NOVA1: variants seen among roughly 807,000 people sequenced by gnomAD.
The protein encoded by NOVA1 is NOVA alternative splicing regulator 1.
In NOVA1, 7 loss-of-function variants were observed where a neutral mutation model predicts 38.0. The observed-to-expected ratio is 0.18, with a 90% confidence interval of 0.10 to 0.35. The LOEUF (loss-of-function observed/expected upper bound fraction) is 0.35. NOVA1 is among the 10% of genes least tolerant of loss of function. The pLI, the probability that NOVA1 is intolerant of heterozygous loss-of-function variation, is 1.00. For missense variants in NOVA1, 460 were observed against 616.0 expected, an observed-to-expected ratio of 0.75 and a Z score of 2.68; for synonymous variants, 270 against 232.5, an observed-to-expected ratio of 1.16 and a Z score of -1.47.
intron 2 of NOVA1, among the ~76,000 whole-genome samples, chr14:26,583,194 A>C (rs1476824328): frequency 6.6e-6 from 1 of 151,782 alleles, no homozygotes; most frequent in South Asian, 2.1e-4. Context: ...AGGCAGAAAC[A>C]GTAAAATATG....
chr14:26,455,764 T>G (rs1162441099), intron 4 of NOVA1, among the ~76,000 whole-genome samples: 4 of 151,942 alleles, frequency 2.6e-5, no homozygotes, highest in African/African-American at 9.7e-5. Context: ...TTCAAACTAT[T>G]CCTGTTGAGA....
chr14:26,586,033 A>G (rs1893493237), intron 2 of NOVA1, among the ~76,000 whole-genome samples: 1 of 151,364 alleles, frequency 6.6e-6, no homozygotes, highest in African/African-American at 2.4e-5. Flanking sequence ...TTAAATTTCC[A>G]GTGCCACCTA....
Position 26,448,317 on chromosome 14 carries a change from G to C in NOVA1, c.1166C>G (p.Ala389Gly). Residue 389 changes from alanine (A) to glycine (G), a missense_variant, in exon 5 of 5, where the codon GCT (alanine) becomes GGT (glycine). Physicochemically the swap from Ala to Gly is moderately conservative, Grantham distance 60. Coordinates refer to ENST00000539517, the MANE Select transcript of NOVA1 (RefSeq NM_002515.3). This position sits in a 1 kb window ranked among gnomAD's most constrained non-coding sequence, Gnocchi z 5.3. ...TCCATTGGTTGCAGCAGTAGCAGCA[G>C]CCAGGCTACCTAATGCAAATGTCCC... is the stretch of plus-strand genomic sequence containing the variant. ...TAGTFALGSL[A>G]AATAATNGYF... 6.2e-7 allele frequency: 1 copy of C among 1,613,958 alleles called. No individual in the cohort carries two copies. Among genetic ancestry groups the C allele is most frequent in the Non-Finnish European group, 8.5e-7 (1 of 1,179,972 alleles).
intron 2 of NOVA1, among the ~76,000 whole-genome samples, chr14:26,543,432 AAATCTGTCTCAT>A: frequency 6.6e-6 from 1 of 151,986 alleles, no homozygotes; most frequent in Non-Finnish European, 1.5e-5. Context: ...GGCTGTCTCA[AAATCTGTCTCAT>A]AATCTGGTCA....
At chr14:26,569,464 A>C (rs12890263) in intron 2 of NOVA1, among the ~76,000 whole-genome samples, 30 of 152,220 alleles carry the variant, frequency 2.0e-4, no homozygotes, top group Non-Finnish European at 4.0e-4. Context: ...TGGCTTATTA[A>C]ATATTTCTTG....
At chr14:26,461,746 T>C (rs1347396029) in intron 4 of NOVA1, among the ~76,000 whole-genome samples, 1 of 135,602 alleles carries the variant, frequency 7.4e-6, no homozygotes. Flanking sequence ...CTGACCAACA[T>C]GGAGAAAGCC....
intron 2 of NOVA1, among the ~76,000 whole-genome samples, chr14:26,534,406 A>T (rs540798975): frequency 1.1e-4 from 16 of 152,296 alleles, no homozygotes; most frequent in Non-Finnish European, 2.2e-4. Context: ...ACAACAGAAA[A>T]TATCATGAAG....
chr14:26,575,460 C>T lies in NOVA1; in HGVS notation c.280+19950G>A, dbSNP rs192943547. On this transcript the variant is annotated intron_variant, in intron 2 of 4. Coordinates refer to ENST00000539517, the MANE Select transcript of NOVA1 (RefSeq NM_002515.3). ...GAAATAACTATGTAATTAATAACCA[C>T]GAAAAATAAAATGTTTTAAGTCACA... 2.4e-3 allele frequency among the ~76,000 whole-genome samples: 363 copies of T among 152,114 alleles called. 1 individual carries two copies. The highest frequency in any genetic ancestry group is 8.3e-3 in the African/African-American group (343 of 41,524).
chr14:26,560,898 T>C (rs1891779013), intron 2 of NOVA1, among the ~76,000 whole-genome samples: 1 of 152,158 alleles, frequency 6.6e-6, no homozygotes, highest in Non-Finnish European at 1.5e-5. Flanking sequence ...CTTTAACCAA[T>C]GTTGAATTTA....
intron 2 of NOVA1, among the ~76,000 whole-genome samples, chr14:26,492,302 G>A (rs573277738): frequency 2.8e-4 from 43 of 152,220 alleles, no homozygotes; most frequent in African/African-American, 8.4e-4. Context: ...GATGTCATCC[G>A]CAAATAGAGA....
chr14:26,497,880 A>C (rs1229403529), intron 2 of NOVA1, among the ~76,000 whole-genome samples: 2 of 152,210 alleles, frequency 1.3e-5, no homozygotes, highest in African/African-American at 2.4e-5. Context: ...CAGGAATGGC[A>C]TCTACTAGAA....
Position 26,448,376 on chromosome 14 carries a change from G to T in NOVA1, c.1107C>A (p.Ala369=), listed in dbSNP as rs1281853963. The T allele has an allele frequency of 6.2e-7, 1 of 1,613,758 alleles. No homozygotes were observed. Among genetic ancestry groups the T allele is most frequent in the Admixed American group, 1.7e-5 (1 of 60,014 alleles). The part of the protein sequence containing the change: ...ANLLATYASE[A]SASGSTAGGT... Reference sequence around the variant, plus strand: ...CACCAGCTGTGCTGCCACTGGCTGAGGCTTCACTGGCATAGGTGGCCAATA... The same window carrying T: ...CACCAGCTGTGCTGCCACTGGCTGATGCTTCACTGGCATAGGTGGCCAATA... Residue 369 remains alanine, a synonymous_variant, in exon 5 of 5, where the codon GCC becomes GCA. Coordinates refer to ENST00000539517, the MANE Select transcript of NOVA1 (RefSeq NM_002515.3). This position sits in a 1 kb window ranked among gnomAD's most constrained non-coding sequence, Gnocchi z 5.3.
intron 1 of NOVA1, chr14:26,596,220 T>A: frequency 3.7e-6 from 1 of 271,064 alleles, no homozygotes; most frequent in Non-Finnish European, 7.3e-6. Context: ...TGATCTCGTT[T>A]AAGCTCATTA....
At chr14:26,473,397 A>G (rs1054208676) in intron 3 of NOVA1, among the ~76,000 whole-genome samples, 1 of 151,808 alleles carries the variant, frequency 6.6e-6, no homozygotes, top group African/African-American at 2.4e-5. Context: ...TAAACAGGTG[A>G]AATGGGATAG....
intron 4 of NOVA1, among the ~76,000 whole-genome samples, chr14:26,453,104 G>A (rs1021016213): frequency 2.0e-5 from 3 of 151,944 alleles, no homozygotes; most frequent in African/African-American, 4.8e-5. Context: ...CTATTGTTTC[G>A]GTGTTGGACA....
Position 26,572,758 on chromosome 14 carries a change from G to GTGTGTGTGTGTGTGTGTGTA in NOVA1, c.280+22651_280+22652insTACACACACACACACACACA, listed in dbSNP as rs1566548665. 5.4e-5 allele frequency among the ~76,000 whole-genome samples: 8 copies of GTGTGTGTGTGTGTGTGTGTA among 148,710 alleles called. No homozygotes were observed. The South Asian group carries it at 1.7e-3, about 32-fold the overall frequency. ...TGTGTGTGTGTGTGTGTGTGTGTGT[G>GTGTGTGTGTGTGTGTGTGTA]TGTGTGTATGTGTGTCTGTACGTTT... On this transcript the variant is annotated intron_variant, in intron 2 of 4. Coordinates refer to ENST00000539517, the MANE Select transcript of NOVA1 (RefSeq NM_002515.3).
At chr14:26,449,771 T>A (rs1882478226) in intron 4 of NOVA1, among the ~76,000 whole-genome samples, 1 of 152,144 alleles carries the variant, frequency 6.6e-6, no homozygotes, top group Admixed American at 6.5e-5. Flanking sequence ...ACTACCATCT[T>A]ACCAAATGGT....
intron 2 of NOVA1, among the ~76,000 whole-genome samples, chr14:26,506,768 C>G (rs867581702): frequency 6.6e-6 from 1 of 151,958 alleles, no homozygotes; most frequent in Non-Finnish European, 1.5e-5. Context: ...TTAGTAGAGA[C>G]GGGGATTCAT....
intron 2 of NOVA1, among the ~76,000 whole-genome samples, chr14:26,491,355 T>C (rs1275835505): frequency 6.6e-6 from 1 of 152,164 alleles, no homozygotes; most frequent in East Asian, 1.9e-4. Flanking sequence ...AAAGTTATTG[T>C]ATAAATTATT....
Sources: allele counts gnomAD v4.1 joint callset (sites outside exome capture counted in the v4.1 genomes callset), GRCh38; gene constraint gnomAD v4.1.1; non-coding constraint Gnocchi (gnomAD v3.1); transcripts MANE v1.5; gene names NCBI Gene and HGNC (gene_info 2026-07-23, HGNC 2026-07-21).